Variants in TBC1D9 observed in about 807,000 individuals in gnomAD.
The protein encoded by TBC1D9 is TBC1 domain family member 9A.
A neutral mutation model predicts 132.0 loss-of-function variants in TBC1D9; 63 were observed. The observed-to-expected ratio is 0.48, with a 90% CI of 0.39 to 0.59. TBC1D9 has a LOEUF of 0.59. TBC1D9 is among the 20% of genes least tolerant of loss of function. The pLI is 0.00. For missense variants in TBC1D9, 1,261 were observed against 1,592.7 expected, an observed-to-expected ratio of 0.79 and a Z score of 3.54; for synonymous variants, 610 against 609.9, an observed-to-expected ratio of 1.00 and a Z score of 0.00.
intron 2 of TBC1D9, among the ~76,000 whole-genome samples, chr4:140,687,097 A>G (rs1339957240): frequency 1.3e-5 from 2 of 151,826 alleles, no homozygotes; most frequent in Non-Finnish European, 2.9e-5. Context: ...AGAAGCATTT[A>G]AGATAACTCT....
rs147490263 is a variant in TBC1D9 at position 140,643,430 on chromosome 4, G to A, written c.2338-4002C>T. On this transcript the variant is annotated intron_variant, in intron 13 of 20. Coordinates refer to ENST00000442267, the MANE Select transcript of TBC1D9 (RefSeq NM_015130.3). Reference sequence around the variant, plus strand: ...TGCCAGCCAGTGGGTCTTCCAGGCCGGGCAGGAACTGCTCAGAGCTTGCCT... The same window carrying A: ...TGCCAGCCAGTGGGTCTTCCAGGCCAGGCAGGAACTGCTCAGAGCTTGCCT... The A allele has an allele frequency of 1.6e-4, 149 of 958,174 alleles. No individual in the cohort carries two copies. In the African/African-American group the frequency reaches 1.8e-3, roughly 12 times the overall value. The allele number at this position is 958,174 out of a possible 1,614,324, so 59.4% of individuals were successfully genotyped here. A position where few individuals can be genotyped will look rare whatever the true frequency, so the allele number is the denominator to read the frequency against.
At chr4:140,737,377 C>T (rs370568135) in intron 1 of TBC1D9, among the ~76,000 whole-genome samples, 14 of 152,034 alleles carry the variant, frequency 9.2e-5, no homozygotes, top group African/African-American at 3.1e-4. Context: ...CTCTCTCCCT[C>T]CATTCTCTAT....
Position 140,756,302 on chromosome 4 carries a change from G to C in TBC1D9, c.-257C>G, listed in dbSNP as rs921106245. ...CCTCCCCGCGGCGTCGCCGCCCCGC[G>C]AGAGCCCGCGGCCGCAGACGCCCGG... is the stretch of plus-strand genomic sequence containing the variant. On this transcript the variant is annotated 5_prime_UTR_variant, in exon 1 of 21. Transcript: ENST00000442267. The surrounding 1 kb of genome is among the most constrained non-coding windows in gnomAD (Gnocchi z 5.6). Among the ~76,000 whole-genome samples, 6 of 151,870 alleles carry C rather than the reference G, an allele frequency of 4.0e-5. No individual in the cohort carries two copies. Among genetic ancestry groups the C allele is most frequent in the Admixed American group, 1.3e-4 (2 of 15,262 alleles).
At chr4:140,689,843 G>A (rs1221181323) in intron 2 of TBC1D9, among the ~76,000 whole-genome samples, 8 of 144,620 alleles carry the variant, frequency 5.5e-5, no homozygotes, top group African/African-American at 1.3e-4. Context: ...AAACTCCTGC[G>A]GCTCAGGAGA....
intron 1 of TBC1D9, among the ~76,000 whole-genome samples, chr4:140,705,514 G>A (rs1405873240): frequency 2.5e-5 from 1 of 40,130 alleles, no homozygotes; most frequent in East Asian, 9.0e-4. Context: ...GTGTGTGCAT[G>A]TGTGTGTGTG....
At chr4:140,695,241 A>T (rs148920347) in intron 2 of TBC1D9, among the ~76,000 whole-genome samples, 9 of 152,360 alleles carry the variant, frequency 5.9e-5, no homozygotes, top group African/African-American at 1.9e-4. Context: ...ATAACTAGTT[A>T]TAACCAGGAA....
intron 1 of TBC1D9, among the ~76,000 whole-genome samples, chr4:140,737,005 G>A (rs1003268858): frequency 1.3e-5 from 2 of 152,200 alleles, no homozygotes; most frequent in African/African-American, 2.4e-5. Context: ...GGCCAAGGGT[G>A]TGGGGGCAGC....
chr4:140,640,082 C>T (rs923637215), intron 13 of TBC1D9, among the ~76,000 whole-genome samples: 10 of 152,140 alleles, frequency 6.6e-5, no homozygotes, highest in African/African-American at 2.2e-4. Context: ...GAAGCAGTGA[C>T]TGCAATAGTT....
At position 140,624,210 on chromosome 4, in the gene TBC1D9, G is replaced by T. The variant is rs780361680; in HGVS notation, c.2984C>A (p.Ala995Glu). 4 of 1,611,452 alleles carry T rather than the reference G, an allele frequency of 2.5e-6. No homozygotes were observed. Among genetic ancestry groups the T allele is most frequent in the African/African-American group, 1.3e-5 (1 of 74,882 alleles). The change falls in exon 20 of 21, where the codon GCA (alanine) becomes GAA (glutamate). Residue 995 changes from alanine (A) to glutamate (E), a missense_variant. By Grantham distance (107) the Ala-to-Glu change is moderately radical. Transcript: ENST00000442267. ...ATAATTACGATTTTCTTGGGAATTT[G>T]CTCTCTTCCCTACAACCCAAATGTC... ...VSLKPDKGKR[A>E]NSQENRNYLR...
chr4:140,678,401 C>G (rs1249998843), intron 5 of TBC1D9, among the ~76,000 whole-genome samples: 1 of 152,198 alleles, frequency 6.6e-6, no homozygotes, highest in Non-Finnish European at 1.5e-5. Flanking sequence ...GGGGCATCAA[C>G]TTTCCATCAC....
intron 11 of TBC1D9, 81 bp downstream of exon 11, chr4:140,659,507 A>G (rs1737325333): frequency 1.0e-6 from 1 of 961,984 alleles, no homozygotes; most frequent in East Asian, 2.6e-5. Context: ...GGTGACCAGA[A>G]ATAGTGTTCT....
chr4:140,680,158 C>T (rs1737682579), intron 3 of TBC1D9, among the ~76,000 whole-genome samples: 1 of 152,092 alleles, frequency 6.6e-6, no homozygotes, highest in Admixed American at 6.5e-5. Context: ...TTTTACTAAG[C>T]TTATTATGGT....
intron 1 of TBC1D9, among the ~76,000 whole-genome samples, chr4:140,749,007 G>A (rs978030763): frequency 3.9e-5 from 6 of 152,040 alleles, no homozygotes; most frequent in African/African-American, 1.4e-4. Context: ...ATTGGGGGTG[G>A]GGAGTTAAAG....
At chr4:140,642,721 G>C in intron 13 of TBC1D9, 1 of 654,286 alleles carries the variant, frequency 1.5e-6, no homozygotes, top group South Asian at 2.0e-5. Flanking sequence ...TGGGCCCTTT[G>C]TGTCTCTTCC....
At chr4:140,731,498 C>A (rs781365701) in intron 1 of TBC1D9, among the ~76,000 whole-genome samples, 1 of 151,948 alleles carries the variant, frequency 6.6e-6, no homozygotes, top group African/African-American at 2.4e-5. Flanking sequence ...TCGAGACCAG[C>A]GTGGCCAACA....
At chr4:140,740,251 T>G (rs1441523660) in intron 1 of TBC1D9, among the ~76,000 whole-genome samples, 1 of 152,168 alleles carries the variant, frequency 6.6e-6, no homozygotes, top group East Asian at 1.9e-4. Context: ...CATGGAAAGG[T>G]AAAAGGCCTC....
In TBC1D9 at chr4:140,643,537, C is replaced by T. The variant is rs953964143; in HGVS notation, c.2338-4109G>A. 7.2e-5 allele frequency: 63 copies of T among 874,314 alleles called. No individual in the cohort carries two copies. The Admixed American group carries it at 8.3e-4, about 11-fold the overall frequency. The allele number at this position is 874,314 out of a possible 1,614,324, so 54.2% of individuals were successfully genotyped here. ...GGGCACTCTCCCTCCCCGGCGGGCA[C>T]GTCACAGTCTGACATTTCTAGGCTG... On this transcript the variant is annotated intron_variant, in intron 13 of 20. Transcript: ENST00000442267.
chr4:140,745,606 T>G (rs1738825165), intron 1 of TBC1D9, among the ~76,000 whole-genome samples: 1 of 152,242 alleles, frequency 6.6e-6, no homozygotes, highest in African/African-American at 2.4e-5. Context: ...CTTTTCTAGC[T>G]TGCTTTATAA....
At chr4:140,662,613 G>C (rs1219140654) in intron 9 of TBC1D9, among the ~76,000 whole-genome samples, 9 of 152,198 alleles carry the variant, frequency 5.9e-5, no homozygotes, top group African/African-American at 1.7e-4. Flanking sequence ...GCCATATTGA[G>C]GGAGATACTT....
Sources: allele counts gnomAD v4.1 joint callset (sites outside exome capture counted in the v4.1 genomes callset), GRCh38; gene constraint gnomAD v4.1.1; non-coding constraint Gnocchi (gnomAD v3.1); transcripts MANE v1.5; gene names NCBI Gene and HGNC (gene_info 2026-07-23, HGNC 2026-07-21).